CDH20: variants seen among roughly 807,000 people sequenced by gnomAD.
CDH20 encodes the protein cadherin 20, also known as cadherin-20.
A neutral mutation model predicts 74.2 loss-of-function variants in CDH20; 29 were observed. That is an observed-to-expected ratio of 0.39 (90% CI 0.29 to 0.53). CDH20 has a LOEUF of 0.53. Ranked by LOEUF, CDH20 falls within the 20% of genes least tolerant of loss-of-function variation. The probability of loss-of-function intolerance (pLI) is 0.69; values close to 1 mark genes in which losing one functional copy is unlikely to be tolerated. For missense variants in CDH20, 988 were observed against 1,048.3 expected (o/e 0.94, Z 0.79); for synonymous variants, 469 against 405.4 (o/e 1.16, Z -1.88).
chr18:61,475,259 G>A (rs559596151), intron 1 of CDH20, among the ~76,000 whole-genome samples: 65 of 152,290 alleles, frequency 4.3e-4, no homozygotes, highest in African/African-American at 1.6e-3. Flanking sequence ...GAATTTGACA[G>A]GTCTAAGTAG....
chr18:61,501,557 A>G (rs1911385202), intron 4 of CDH20, among the ~76,000 whole-genome samples: 1 of 152,192 alleles, frequency 6.6e-6, no homozygotes, highest in African/African-American at 2.4e-5. Context: ...GTTAATGGTG[A>G]ACACTCAAAG....
At chr18:61,401,900 CAAG>C (rs951139080) in intron 1 of CDH20, among the ~76,000 whole-genome samples, 1 of 152,052 alleles carries the variant, frequency 6.6e-6, no homozygotes, top group African/African-American at 2.4e-5. Flanking sequence ...AACCATAAAA[CAAG>C]GAGATTATAA....
At position 61,441,001 on chromosome 18, in the gene CDH20, G is replaced by A. The variant is rs763865427; in HGVS notation, c.-152-49401G>A. ...GCTACTTTTGCAATCAATCTAACAAGTCTCAAAGCACATGGAGAAATAGCA... is the reference window on the plus strand; with the variant it reads ...GCTACTTTTGCAATCAATCTAACAAATCTCAAAGCACATGGAGAAATAGCA... On this transcript the variant is annotated intron_variant, in intron 1 of 11. Coordinates refer to ENST00000262717, the MANE Select transcript of CDH20 (RefSeq NM_031891.4). 3.9e-5 allele frequency among the ~76,000 whole-genome samples: 6 copies of A among 152,234 alleles called. No individual in the cohort carries two copies. In the South Asian group the frequency reaches 6.2e-4, roughly 16 times the overall value.
chr18:61,509,471 A>G (rs1277046335), intron 6 of CDH20, among the ~76,000 whole-genome samples: 1 of 152,152 alleles, frequency 6.6e-6, no homozygotes, highest in East Asian at 1.9e-4. Flanking sequence ...TTGAGGTGGG[A>G]CCATGCCTGT....
rs199772820 is a variant in CDH20, at chr18:61,502,956, T to A, written c.665T>A (p.Val222Glu). Residue 222 changes from valine to glutamate, a missense_variant, in exon 5 of 12, where the codon GTA becomes GAA. Physicochemically the swap from Val to Glu is moderately radical, Grantham distance 121. This residue lies in a region of CDH20 where 613 missense variants were observed against 755.2 expected (regional missense o/e 0.81). Transcript: ENST00000262717. ...CAAAGTCATTTCTATCCTCCAGGTG[T>A]AATTAGGACAGCGCTCATGAACATG... is the stretch of plus-strand genomic sequence containing the variant. ...PYFSVDSKTG[V>E]IRTALMNMDR... is the part of the protein sequence containing the mutation. The A allele has an allele frequency of 5.0e-6, 8 of 1,599,210 alleles. No individual in the cohort carries two copies. In the African/African-American group the frequency reaches 1.1e-4, roughly 22 times the overall value.
chr18:61,434,442 T>G (rs1818424788), intron 1 of CDH20, among the ~76,000 whole-genome samples: 1 of 152,166 alleles, frequency 6.6e-6, no homozygotes, highest in Non-Finnish European at 1.5e-5. Flanking sequence ...GCTAACTAAG[T>G]GCCAGACACC....
In CDH20 at chr18:61,527,951, T is replaced by G; in HGVS notation, c.1018-16T>G. 1 of 1,613,416 alleles carries G rather than the reference T, an allele frequency of 6.2e-7. No homozygotes were observed. Among genetic ancestry groups the G allele is most frequent in the Non-Finnish European group, 8.5e-7 (1 of 1,179,504 alleles). On this transcript the variant is annotated splice_polypyrimidine_tract_variant and intron_variant, in intron 6 of 11. Transcript: ENST00000262717. ...AACCTCAGTGGCGAATCAATTTTCC[T>G]GTCATTGCTTTTCAGCCCCTGAGTT...
rs1365125886 is a variant in CDH20, at chr18:61,528,068, A to C, written c.1119A>C (p.Thr373=). ...TGAACTTGGGCCCATTTCAGGACAC[A>C]ACAACAGTGCACATCAGTGTGGAAG... ...RFLNLGPFQD[T]TTVHISVEDV... Residue 373 remains threonine (T), a synonymous_variant, in exon 7 of 12, where the codon ACA becomes ACC. Transcript: ENST00000262717. 5 of 1,614,196 alleles carry C rather than the reference A, an allele frequency of 3.1e-6. No homozygotes were observed. Among genetic ancestry groups the C allele is most frequent in the Non-Finnish European group, 4.2e-6 (5 of 1,180,018 alleles).
Position 61,549,991 on chromosome 18 carries a change from G to A in CDH20, c.1662G>A (p.Arg554=), listed in dbSNP as rs747648058. 4 of 1,614,040 alleles carry A rather than the reference G, an allele frequency of 2.5e-6. No individual in the cohort carries two copies. In the Admixed American group the frequency reaches 5.0e-5, roughly 20 times the overall value. The change falls in exon 11 of 12, where the codon CGG becomes CGA. Residue 554 remains arginine, a synonymous_variant. Coordinates refer to ENST00000262717, the MANE Select transcript of CDH20 (RefSeq NM_031891.4). ...TIRDNQDNTA[R]ILTRRSGFRQ... Reference sequence around the variant, plus strand: ...TCCTTCTTTCAGATAACACAGCACGGATTCTAACCAGGAGGTCTGGTTTCC... The same window carrying A: ...TCCTTCTTTCAGATAACACAGCACGAATTCTAACCAGGAGGTCTGGTTTCC...
At chr18:61,461,328 TAAAA>T (rs33964985) in intron 1 of CDH20, among the ~76,000 whole-genome samples, 2,952 of 129,498 alleles carry the variant, frequency 0.023, 90 homozygotes, top group African/African-American at 0.076. Flanking sequence ...CTGGGTGACT[TAAAA>T]AAAAAAAAAA....
At chr18:61,538,588 G>GTTTTTTTTTTTTTTTTTTTTTTTTTTT (rs1265851069) in intron 8 of CDH20, among the ~76,000 whole-genome samples, 1 of 55,124 alleles carries the variant, frequency 1.8e-5, no homozygotes, top group Non-Finnish European at 3.5e-5. Flanking sequence ...CTTTTTGTTT[G>GTTTTTTTTTTTTTTTTTTTTTTTTTTT]TTTGTTTGTT....
At chr18:61,434,595 C>G (rs1277396062) in intron 1 of CDH20, among the ~76,000 whole-genome samples, 1 of 152,100 alleles carries the variant, frequency 6.6e-6, no homozygotes, top group Non-Finnish European at 1.5e-5. Flanking sequence ...GAAGTAGACA[C>G]TTACCCACTT....
intron 1 of CDH20, among the ~76,000 whole-genome samples, chr18:61,408,012 G>T (rs971404313): frequency 6.6e-6 from 1 of 152,188 alleles, no homozygotes; most frequent in Non-Finnish European, 1.5e-5. Flanking sequence ...AAAATTAGGA[G>T]AAGCTGGATG....
intron 1 of CDH20, among the ~76,000 whole-genome samples, chr18:61,405,731 A>C (rs1044217010): frequency 6.6e-6 from 1 of 152,190 alleles, no homozygotes; most frequent in Non-Finnish European, 1.5e-5. Flanking sequence ...AACTTGTTAA[A>C]ATGCAAATTC....
At chr18:61,454,014 C>T (rs1200391494) in intron 1 of CDH20, among the ~76,000 whole-genome samples, 1 of 152,138 alleles carries the variant, frequency 6.6e-6, no homozygotes, top group Non-Finnish European at 1.5e-5. Context: ...TGGTGTATGG[C>T]ACTATGTCAT....
At position 61,528,109 on chromosome 18, in the gene CDH20, CT is replaced by C. The variant is rs1912500766; in HGVS notation, c.1161del (p.Val388CysfsTer31). The C allele has an allele frequency of 1.2e-6, 2 of 1,614,158 alleles. No individual in the cohort carries two copies. Among genetic ancestry groups the C allele is most frequent in the South Asian group, 1.1e-5 (1 of 91,084 alleles). On this transcript the variant is annotated frameshift_variant, in exon 7 of 12. Coordinates refer to ENST00000262717, the MANE Select transcript of CDH20 (RefSeq NM_031891.4). LOFTEE classifies it high-confidence loss of function. ...AGTGTGGAAGACGTGGACGAGCCCCCTGTGTTTGAACCTGGCTTTTACTTTG... is the reference window on the plus strand; with the variant it reads ...AGTGTGGAAGACGTGGACGAGCCCCCGTGTTTGAACCTGGCTTTTACTTTG... ...HISVEDVDEPPVFEPGFYFVE... is the reference protein window; with the variant it reads ...HISVEDVDEPXVFEPGFYFVE...
At chr18:61,548,256 C>A (rs1011590424) in intron 10 of CDH20, among the ~76,000 whole-genome samples, 1 of 152,098 alleles carries the variant, frequency 6.6e-6, no homozygotes, top group South Asian at 2.1e-4. Context: ...TTTTTTTTGA[C>A]AGTTAATATT....
chr18:61,349,998 G>T (rs1471625103), intron 1 of CDH20, among the ~76,000 whole-genome samples: 1 of 152,110 alleles, frequency 6.6e-6, no homozygotes, highest in Non-Finnish European at 1.5e-5. Context: ...ACTGCATGTT[G>T]TTTGGAATCC....
chr18:61,388,850 G>C (rs1458698111), intron 1 of CDH20, among the ~76,000 whole-genome samples: 2 of 152,116 alleles, frequency 1.3e-5, no homozygotes, highest in Admixed American at 1.3e-4. Flanking sequence ...TACTAGGCAA[G>C]AAATTACAGA....
Sources: gnomAD v4.1 joint callset for allele counts (sites outside exome capture counted in the v4.1 genomes callset) on GRCh38, gnomAD v4.1.1 for gene constraint, gnomAD v4.1.1 regional missense constraint, MANE v1.5 for transcripts, NCBI Gene and HGNC (gene_info 2026-07-23, HGNC 2026-07-21) for gene names.